The following SLC9A9 variants were observed in gnomAD, a reference collection of about 807,000 sequenced individuals.
SLC9A9 encodes the protein solute carrier family 9 member A9, also known as sodium/hydrogen exchanger 9.
SLC9A9 carries 62 observed loss-of-function variants against 77.8 expected under a neutral mutation model. The observed-to-expected ratio is 0.80, with a 90% CI of 0.65 to 0.98. The LOEUF is 0.98. Ranked by LOEUF, SLC9A9 falls within the 50% of genes least tolerant of loss-of-function variation. The pLI is 0.00. For missense variants in SLC9A9, 775 were observed against 774.9 expected (o/e 1.00, Z 0.00); for synonymous variants, 320 against 283.5 (o/e 1.13, Z -1.29).
intron 5 of SLC9A9, among the ~76,000 whole-genome samples, chr3:143,666,048 C>A (rs1322940347): frequency 6.6e-6 from 1 of 152,144 alleles, no homozygotes; most frequent in Non-Finnish European, 1.5e-5. Context: ...GACTTTTAGA[C>A]CAATATCCCT....
intron 5 of SLC9A9, among the ~76,000 whole-genome samples, chr3:143,691,837 G>C (rs1001635200): frequency 6.6e-6 from 1 of 152,034 alleles, no homozygotes; most frequent in African/African-American, 2.4e-5. Flanking sequence ...GACATAACAT[G>C]ATTCCCCATG....
intron 11 of SLC9A9, among the ~76,000 whole-genome samples, chr3:143,478,218 A>T (rs1269332741): frequency 6.6e-6 from 1 of 152,242 alleles, no homozygotes. Context: ...TGCATTTTAA[A>T]TACTTGTTAA....
At chr3:143,828,395 T>C (rs1900642) in intron 2 of SLC9A9, among the ~76,000 whole-genome samples, 1 of 152,022 alleles carries the variant, frequency 6.6e-6, no homozygotes, top group Non-Finnish European at 1.5e-5. Context: ...TGGGGATACA[T>C]TGGTCAGTAA....
chr3:143,285,123 T>C (rs1268047786), intron 14 of SLC9A9, among the ~76,000 whole-genome samples: 2 of 152,162 alleles, frequency 1.3e-5, no homozygotes, highest in African/African-American at 4.8e-5. Context: ...CTAGGATACA[T>C]GTGCAGAACG....
intron 1 of SLC9A9, among the ~76,000 whole-genome samples, chr3:143,844,757 CT>C (rs2009792736): frequency 4.1e-5 from 6 of 147,206 alleles, no homozygotes; most frequent in African/African-American, 1.5e-4. Flanking sequence ...TTCTTTCTTT[CT>C]TTCTTTCTTT....
chr3:143,271,199 A>G (rs1280627048), intron 14 of SLC9A9, among the ~76,000 whole-genome samples: 1 of 152,224 alleles, frequency 6.6e-6, no homozygotes, highest in Non-Finnish European at 1.5e-5. Flanking sequence ...CCCAGCAGAT[A>G]AGGGGGTACA....
chr3:143,645,145 A>G lies in SLC9A9; in HGVS notation c.755+7110T>C, dbSNP rs78581362. Among the ~76,000 whole-genome samples, 953 of 152,328 alleles carry G rather than the reference A, an allele frequency of 6.3e-3. 13 individuals carry two copies. The highest frequency in any genetic ancestry group is 0.022 in the African/African-American group (920 of 41,574). The stretch of plus-strand genomic sequence containing the variant: ...GATTAGTATTATAAAACGTCTCCCC[A>G]TCTGCTTCTGAAGGGGTCTATGAAC... On this transcript the variant is annotated intron_variant, in intron 6 of 15. Coordinates refer to ENST00000316549, the MANE Select transcript of SLC9A9 (RefSeq NM_173653.4).
At chr3:143,373,605 T>TAAAAAAAAAAAAAAA (rs67376157) in intron 13 of SLC9A9, among the ~76,000 whole-genome samples, 3 of 58,616 alleles carry the variant, frequency 5.1e-5, no homozygotes, top group Non-Finnish European at 9.2e-5. Flanking sequence ...ACTGAAATAG[T>TAAAAAAAAAAAAAAA]AAAAAAAAAA....
intron 8 of SLC9A9, among the ~76,000 whole-genome samples, chr3:143,559,763 T>C (rs2037049745): frequency 6.6e-6 from 1 of 152,208 alleles, no homozygotes; most frequent in Non-Finnish European, 1.5e-5. Context: ...CTTAGTTTTT[T>C]CAAATAAGCT....
chr3:143,339,919 A>G (rs1388939249), intron 14 of SLC9A9, among the ~76,000 whole-genome samples: 1 of 152,198 alleles, frequency 6.6e-6, no homozygotes, highest in Non-Finnish European at 1.5e-5. Flanking sequence ...TGCTATGTAC[A>G]ATTATGGCTT....
chr3:143,752,636 A>G (rs1317021982), intron 4 of SLC9A9, among the ~76,000 whole-genome samples: 1 of 151,410 alleles, frequency 6.6e-6, no homozygotes, highest in Non-Finnish European at 1.5e-5. Context: ...GCCTGCACAG[A>G]GCCGCAACTC....
chr3:143,418,011 C>T (rs2034229015), intron 12 of SLC9A9, among the ~76,000 whole-genome samples: 1 of 151,794 alleles, frequency 6.6e-6, no homozygotes, highest in Admixed American at 6.6e-5. Context: ...ATTTAGAAAG[C>T]AGACCTAGCA....
chr3:143,673,611 AC>A (rs1235987137), intron 5 of SLC9A9, among the ~76,000 whole-genome samples: 1 of 152,008 alleles, frequency 6.6e-6, no homozygotes, highest in Non-Finnish European at 1.5e-5. Context: ...GCAAGACCAT[AC>A]TTATTAATTA....
chr3:143,415,851 T>G (rs1209793808), intron 12 of SLC9A9, among the ~76,000 whole-genome samples: 1 of 152,232 alleles, frequency 6.6e-6, no homozygotes, highest in African/African-American at 2.4e-5. Flanking sequence ...TCTATCTCTA[T>G]CTGGGCAAAG....
chr3:143,304,606 C>T (rs559485229), intron 14 of SLC9A9, among the ~76,000 whole-genome samples: 1 of 152,290 alleles, frequency 6.6e-6, no homozygotes, highest in East Asian at 1.9e-4. Flanking sequence ...CCATGGCTGG[C>T]TCATAAACGA....
chr3:143,332,019 T>C (rs1406385804), intron 14 of SLC9A9, among the ~76,000 whole-genome samples: 1 of 152,142 alleles, frequency 6.6e-6, no homozygotes, highest in East Asian at 1.9e-4. Context: ...AGCAAAGTCA[T>C]GGAGTTAAGG....
intron 6 of SLC9A9, among the ~76,000 whole-genome samples, chr3:143,583,671 T>C (rs888254045): frequency 1.3e-5 from 2 of 152,234 alleles, no homozygotes; most frequent in Admixed American, 6.5e-5. Context: ...GCTATGAGAA[T>C]TAAATGGATT....
intron 4 of SLC9A9, among the ~76,000 whole-genome samples, chr3:143,715,777 C>T (rs1051316731): frequency 5.9e-5 from 9 of 152,184 alleles, no homozygotes; most frequent in African/African-American, 1.9e-4. Flanking sequence ...AGGGCTCCCA[C>T]ACCGCAAGGT....
At chr3:143,622,472 A>G (rs1389445151) in intron 6 of SLC9A9, among the ~76,000 whole-genome samples, 13 of 152,234 alleles carry the variant, frequency 8.5e-5, no homozygotes, top group Admixed American at 2.6e-4. Context: ...AACATTGTTA[A>G]GGAAAAGAAT....
Sources: gnomAD v4.1 joint callset for allele counts (sites outside exome capture counted in the v4.1 genomes callset) on GRCh38, gnomAD v4.1.1 for gene constraint, MANE v1.5 for transcripts, NCBI Gene and HGNC (gene_info 2026-07-23, HGNC 2026-07-21) for gene names.